AGBL4: variants seen among roughly 807,000 people sequenced by gnomAD.
AGBL4 encodes the protein cytosolic carboxypeptidase 6.
A neutral mutation model predicts 66.4 loss-of-function variants in AGBL4; 58 were observed. That is an observed-to-expected ratio of 0.87 (90% CI 0.71 to 1.09). The LOEUF is 1.09. AGBL4 is among the 50% of genes least tolerant of loss of function. The pLI is 0.00. For synonymous variants in AGBL4, 234 were observed against 222.9 expected (o/e 1.05, Z -0.44); for missense variants, 579 against 631.0 (o/e 0.92, Z 0.88).
At position 49,217,600 on chromosome 1, in the gene AGBL4, T is replaced by C. The variant is rs535581424; in HGVS notation, c.377+28170A>G. 1.1e-4 allele frequency among the ~76,000 whole-genome samples: 17 copies of C among 152,292 alleles called. No homozygotes were observed. The South Asian group carries it at 1.4e-3, about 13-fold the overall frequency. On this transcript the variant is annotated intron_variant, in intron 4 of 13. Transcript: ENST00000371839. ...TACATGTATCTTAATCACTGGCCTATGCTCTTTTTGTGGCTGAGTGCATCT... is the reference window on the plus strand; with the variant it reads ...TACATGTATCTTAATCACTGGCCTACGCTCTTTTTGTGGCTGAGTGCATCT...
chr1:49,921,302 G>C (rs1417069604), intron 1 of AGBL4, among the ~76,000 whole-genome samples: 1 of 151,188 alleles, frequency 6.6e-6, no homozygotes, highest in African/African-American at 2.4e-5. Flanking sequence ...ATTAAAAAAG[G>C]GTCTTAGAAA....
At position 49,045,491 on chromosome 1, in the gene AGBL4, T is replaced by G. The variant is rs191696445; in HGVS notation, c.594+93A>C. ...TAAAAGTTCTGGAAAGCACCAGTATTCATTATTTGCATTGCATAAAAACCC... is the reference window on the plus strand; with the variant it reads ...TAAAAGTTCTGGAAAGCACCAGTATGCATTATTTGCATTGCATAAAAACCC... On this transcript the variant is annotated intron_variant, in intron 5 of 13. Transcript: ENST00000371839. The G allele has an allele frequency of 2.8e-3, 2,882 of 1,011,240 alleles. 12 individuals are homozygous for G. Among genetic ancestry groups the G allele is most frequent in the Non-Finnish European group, 3.9e-3 (2,642 of 682,122 alleles). The allele number at this position is 1,011,240 out of a possible 1,614,324, so 62.6% of individuals were successfully genotyped here. A position where few individuals can be genotyped will look rare whatever the true frequency, so the allele number is the denominator to read the frequency against.
chr1:49,832,743 G>T (rs1055691583), intron 2 of AGBL4, among the ~76,000 whole-genome samples: 62 of 152,312 alleles, frequency 4.1e-4, no homozygotes, highest in African/African-American at 1.4e-3. Flanking sequence ...TTCTCTGATA[G>T]CCAATGATGG....
At chr1:49,670,852 A>C (rs1171958960) in intron 3 of AGBL4, among the ~76,000 whole-genome samples, 1 of 152,206 alleles carries the variant, frequency 6.6e-6, no homozygotes, top group African/African-American at 2.4e-5. Flanking sequence ...ATAGCTTCAA[A>C]TGCTTTATTA....
intron 2 of AGBL4, among the ~76,000 whole-genome samples, chr1:49,751,969 C>CT (rs561445229): frequency 0.056 from 7,990 of 141,906 alleles, 240 homozygotes; most frequent in African/African-American, 0.073. Flanking sequence ...TCTCTCTTTT[C>CT]TTTTTTTTTT....
chr1:49,886,331 C>T (rs1321934343), intron 1 of AGBL4, among the ~76,000 whole-genome samples: 3 of 152,028 alleles, frequency 2.0e-5, no homozygotes, highest in Admixed American at 2.0e-4. Context: ...ACCTGAACTA[C>T]CTCAAATATG....
intron 3 of AGBL4, among the ~76,000 whole-genome samples, chr1:49,548,867 T>C (rs1034546045): frequency 6.6e-6 from 1 of 152,186 alleles, no homozygotes; most frequent in South Asian, 2.1e-4. Flanking sequence ...AATTCTTCTT[T>C]GAATGTCCGG....
chr1:48,879,188 G>A (rs1427557702), intron 5 of AGBL4, among the ~76,000 whole-genome samples: 1 of 148,798 alleles, frequency 6.7e-6, no homozygotes, highest in Non-Finnish European at 1.5e-5. Flanking sequence ...AAGCAAATGT[G>A]TTCAGTATAA....
At chr1:49,976,774 A>C (rs903927880) in intron 1 of AGBL4, among the ~76,000 whole-genome samples, 1 of 152,220 alleles carries the variant, frequency 6.6e-6, no homozygotes, top group African/African-American at 2.4e-5. Context: ...ACATAGTTTT[A>C]AAATACTGAC....
intron 8 of AGBL4, chr1:48,647,715 C>A: frequency 7.8e-6 from 3 of 385,234 alleles, no homozygotes; most frequent in Admixed American, 3.3e-5. Flanking sequence ...CAGAAAGCGC[C>A]GTGGGGTATA....
intron 6 of AGBL4, among the ~76,000 whole-genome samples, chr1:48,795,235 A>C (rs1286869300): frequency 2.0e-5 from 3 of 152,146 alleles, no homozygotes; most frequent in Admixed American, 2.0e-4. Context: ...ACTTTCCAAA[A>C]GCTTCTCATC....
intron 5 of AGBL4, among the ~76,000 whole-genome samples, chr1:48,989,261 T>C (rs1402274610): frequency 6.6e-6 from 1 of 152,202 alleles, no homozygotes; most frequent in Non-Finnish European, 1.5e-5. Context: ...AGTAGGTATA[T>C]ATATTTACGG....
chr1:49,503,731 C>A (rs898185993), intron 3 of AGBL4, among the ~76,000 whole-genome samples: 1 of 152,220 alleles, frequency 6.6e-6, no homozygotes, highest in East Asian at 1.9e-4. Flanking sequence ...GGGCCTATGG[C>A]CCTTTTGTTT....
At chr1:49,866,562 G>T (rs538461950) in intron 1 of AGBL4, among the ~76,000 whole-genome samples, 1 of 152,036 alleles carries the variant, frequency 6.6e-6, no homozygotes, top group Admixed American at 6.6e-5. Flanking sequence ...TCAGGAGTTC[G>T]AGACCAGTCT....
At chr1:48,995,204 A>T (rs1660910012) in intron 5 of AGBL4, among the ~76,000 whole-genome samples, 1 of 152,054 alleles carries the variant, frequency 6.6e-6, no homozygotes, top group African/African-American at 2.4e-5. Context: ...AAACCAACCT[A>T]TCCTGCAAAT....
At chr1:49,557,999 G>C (rs1248002911) in intron 3 of AGBL4, among the ~76,000 whole-genome samples, 2 of 151,840 alleles carry the variant, frequency 1.3e-5, no homozygotes, top group African/African-American at 2.4e-5. Flanking sequence ...CCAGGCACTA[G>C]CTCCAGGACA....
At chr1:48,654,723 G>A (rs1397692341) in intron 7 of AGBL4, among the ~76,000 whole-genome samples, 3 of 152,238 alleles carry the variant, frequency 2.0e-5, no homozygotes, top group Admixed American at 6.5e-5. Context: ...ACTCGCTCCA[G>A]AGCACATTCC....
At chr1:49,902,491 G>A (rs762122052) in intron 1 of AGBL4, among the ~76,000 whole-genome samples, 3 of 152,176 alleles carry the variant, frequency 2.0e-5, no homozygotes, top group Non-Finnish European at 4.4e-5. Flanking sequence ...GCTCACGCCT[G>A]TAATCTCAGC....
At chr1:49,363,227 C>G (rs1291447992) in intron 3 of AGBL4, among the ~76,000 whole-genome samples, 1 of 152,182 alleles carries the variant, frequency 6.6e-6, no homozygotes, top group African/African-American at 2.4e-5. Flanking sequence ...ATATGGCACT[C>G]ATATCTTCAT....
Sources: allele counts gnomAD v4.1 joint callset (sites outside exome capture counted in the v4.1 genomes callset), GRCh38; gene constraint gnomAD v4.1.1; transcripts MANE v1.5; gene names NCBI Gene and HGNC (gene_info 2026-07-23, HGNC 2026-07-21).